The following GLRA2 variants were observed in gnomAD, a reference collection of about 807,000 sequenced individuals.
GLRA2 encodes the protein glycine receptor subunit alpha-2.
Under a neutral mutation model 31.6 loss-of-function variants are expected in GLRA2, and 11 were observed. The ratio of observed to expected loss-of-function variants is 0.35; its 90% CI spans 0.22 to 0.58. The LOEUF is 0.58. GLRA2 is among the 20% of genes least tolerant of loss of function. The pLI is 0.84. For missense variants in GLRA2, 212 were observed against 351.8 expected (o/e 0.60, Z 3.18); for synonymous variants, 132 against 134.0 (o/e 0.99, Z 0.10).
intron 4 of GLRA2, among the ~76,000 whole-genome samples, chrX:14,588,199 C>T (rs933220175): frequency 1.8e-5 from 2 of 111,943 alleles, no homozygotes; most frequent in Non-Finnish European, 3.8e-5. Flanking sequence ...CCACTATGCT[C>T]AGCCCTGTCT....
At chrX:14,729,296 T>C (rs901976079) in intron 8 of GLRA2, among the ~76,000 whole-genome samples, 22 of 111,506 alleles carry the variant, frequency 2.0e-4, no homozygotes, top group Non-Finnish European at 3.8e-4. Context: ...CAGAAGAAGA[T>C]AATTCAATTG....
At chrX:14,585,674 A>G (rs941592946) in intron 4 of GLRA2, among the ~76,000 whole-genome samples, 21 of 111,886 alleles carry the variant, frequency 1.9e-4, no homozygotes, top group African/African-American at 6.5e-4. Context: ...GAGGAAATCC[A>G]CTGGCTTAAA....
the GLRA2 span, among the ~76,000 whole-genome samples, chrX:14,478,421 T>A: frequency 2.7e-5 from 3 of 111,978 alleles, no homozygotes; most frequent in Non-Finnish European, 5.6e-5. Context: ...TATAGAGATA[T>A]GGTTGAAGTA....
the GLRA2 span, among the ~76,000 whole-genome samples, chrX:14,490,259 A>T: frequency 8.9e-6 from 1 of 112,116 alleles, no homozygotes. Flanking sequence ...CTGATTAAAT[A>T]GCCAACATTA....
intron 7 of GLRA2, among the ~76,000 whole-genome samples, chrX:14,682,321 CAT>C (rs751861691): frequency 1.8e-4 from 20 of 110,732 alleles, no homozygotes; most frequent in Admixed American, 2.9e-4. Context: ...TATCACAACA[CAT>C]GTGGAACTGA....
intron 2 of GLRA2, among the ~76,000 whole-genome samples, chrX:14,540,460 A>G (rs1480803177): frequency 9.0e-6 from 1 of 111,385 alleles, no homozygotes; most frequent in Admixed American, 9.6e-5. Flanking sequence ...GCCTTTCATT[A>G]GCCAGATTCA....
the GLRA2 span, among the ~76,000 whole-genome samples, chrX:14,459,047 A>G: frequency 6.3e-5 from 7 of 111,755 alleles, no homozygotes; most frequent in South Asian, 3.7e-4. Flanking sequence ...ATTAATTTTT[A>G]TATAAGGTGT....
chrX:14,480,915 A>G, the GLRA2 span, among the ~76,000 whole-genome samples: 1 of 111,475 alleles, frequency 9.0e-6, no homozygotes, highest in African/African-American at 3.3e-5. Flanking sequence ...TCTGTGAAAA[A>G]TGACATTGGT....
chrX:14,511,115 A>G, the GLRA2 span, among the ~76,000 whole-genome samples: 9 of 111,639 alleles, frequency 8.1e-5, no homozygotes, highest in East Asian at 5.6e-4. Context: ...TTCTAACTAT[A>G]TGATAAAAGC....
intron 2 of GLRA2, among the ~76,000 whole-genome samples, chrX:14,564,786 G>C (rs1018608460): frequency 8.9e-6 from 1 of 111,810 alleles, no homozygotes; most frequent in Non-Finnish European, 1.9e-5. Context: ...TTGTATAAGA[G>C]TGGAGCTATC....
chrX:14,667,974 G>A (rs1370933111), intron 7 of GLRA2, among the ~76,000 whole-genome samples: 1 of 111,897 alleles, frequency 8.9e-6, no homozygotes, highest in Non-Finnish European at 1.9e-5. Context: ...CAACTCAGCT[G>A]GAACCTCTCT....
At chrX:14,474,618 G>T in the GLRA2 span, among the ~76,000 whole-genome samples, 1 of 110,136 alleles carries the variant, frequency 9.1e-6, no homozygotes, top group Non-Finnish European at 1.9e-5. Context: ...TCAGCTGGTG[G>T]GTGGGCTGAA....
At chrX:14,545,048 A>G (rs766390304) in intron 2 of GLRA2, among the ~76,000 whole-genome samples, 19 of 111,857 alleles carry the variant, frequency 1.7e-4, no homozygotes, top group Middle Eastern at 4.7e-3. Flanking sequence ...TACACATTCT[A>G]TATCAAACTA....
Position 14,697,562 on chromosome X carries a change from G to A in GLRA2, c.1080+6703G>A, listed in dbSNP as rs143995004. On this transcript the variant is annotated intron_variant, in intron 8 of 8. Transcript: ENST00000218075. ...ACACTCCCTTTCCAGGATAGCTTGC[G>A]GGAGGGGAGCTTGCTTATAAAATGA... Among the ~76,000 whole-genome samples the A allele has an allele frequency of 1.2e-4, 13 of 111,747 alleles. No individual in the cohort carries two copies. In the East Asian group the frequency reaches 1.4e-3, roughly 12 times the overall value.
chrX:14,523,619 A>G, the GLRA2 span, among the ~76,000 whole-genome samples: 2 of 111,687 alleles, frequency 1.8e-5, no homozygotes, highest in African/African-American at 6.5e-5. Flanking sequence ...TGAATACTTG[A>G]AGGCCATTGT....
chrX:14,547,091 T>C (rs1278714036), intron 2 of GLRA2, among the ~76,000 whole-genome samples: 1 of 111,341 alleles, frequency 9.0e-6, no homozygotes, highest in Non-Finnish European at 1.9e-5. Flanking sequence ...TTAAAAAATA[T>C]TATTGACTTT....
chrX:14,601,133 A>C (rs1430331483), intron 4 of GLRA2, among the ~76,000 whole-genome samples: 3 of 111,114 alleles, frequency 2.7e-5, no homozygotes, highest in Non-Finnish European at 5.7e-5. Context: ...GGAACCAAAA[A>C]CTAAATATCT....
Position 14,612,741 on chromosome X carries a change from G to C in GLRA2, c.930+3536G>C, listed in dbSNP as rs1201394454. On this transcript the variant is annotated intron_variant, in intron 7 of 8. Coordinates refer to ENST00000218075, the MANE Select transcript of GLRA2 (RefSeq NM_002063.4). The stretch of plus-strand genomic sequence containing the variant: ...ACACAAGAATGGAAAACCAAACACT[G>C]CATGTTCTCACTCACAAGTGGGGGT... Among the ~76,000 whole-genome samples the C allele has an allele frequency of 5.6e-5, 6 of 107,116 alleles. No homozygotes were observed. The South Asian group carries it at 1.3e-3, about 23-fold the overall frequency. The allele number at this position is 107,116 out of a possible 115,157, so 93.0% of individuals were successfully genotyped here.
chrX:14,455,085 T>C, the GLRA2 span, among the ~76,000 whole-genome samples: 1 of 111,678 alleles, frequency 9.0e-6, no homozygotes, highest in South Asian at 3.7e-4. Flanking sequence ...GTTGCAGTGG[T>C]GCTAGTAGCT....
Sources: allele counts gnomAD v4.1 joint callset (sites outside exome capture counted in the v4.1 genomes callset), GRCh38; gene constraint gnomAD v4.1.1; transcripts MANE v1.5; gene names NCBI Gene and HGNC (gene_info 2026-07-23, HGNC 2026-07-21).